The following GALNT14 variants were observed in gnomAD, a reference collection of about 807,000 sequenced individuals.
The protein encoded by GALNT14 is polypeptide N-acetylgalactosaminyltransferase 14.
In GALNT14, 60 loss-of-function variants were observed where a neutral mutation model predicts 77.5. That is an observed-to-expected ratio of 0.77 (90% CI 0.63 to 0.96). The LOEUF (loss-of-function observed/expected upper bound fraction) is 0.96, where lower values mean the gene tolerates loss of function less well. Ranked by LOEUF, GALNT14 falls within the 40% of genes least tolerant of loss-of-function variation. The probability of loss-of-function intolerance (pLI) is 0.00; values close to 1 mark genes in which losing one functional copy is unlikely to be tolerated. For synonymous variants in GALNT14, 280 were observed against 281.7 expected (o/e 0.99, Z 0.06); for missense variants, 710 against 731.0 (o/e 0.97, Z 0.33).
intron 1 of GALNT14, among the ~76,000 whole-genome samples, chr2:31,033,955 A>G (rs974003039): frequency 3.9e-5 from 6 of 152,202 alleles, no homozygotes; most frequent in African/African-American, 1.2e-4. Flanking sequence ...ACTGGCCATT[A>G]TGCCTAGTTT....
chr2:31,007,138 G>A (rs1670722919), intron 1 of GALNT14, among the ~76,000 whole-genome samples: 1 of 152,166 alleles, frequency 6.6e-6, no homozygotes, highest in Non-Finnish European at 1.5e-5. Flanking sequence ...AGCAGACCCC[G>A]AGTATCCAGA....
At chr2:31,080,286 C>T (rs1187213057) in intron 1 of GALNT14, among the ~76,000 whole-genome samples, 1 of 152,216 alleles carries the variant, frequency 6.6e-6, no homozygotes, top group Non-Finnish European at 1.5e-5. Flanking sequence ...ATACAGGACA[C>T]TGATTAAATT....
intron 9 of GALNT14, among the ~76,000 whole-genome samples, chr2:30,936,649 C>A (rs1036325147): frequency 2.0e-5 from 3 of 152,156 alleles, no homozygotes; most frequent in Admixed American, 6.5e-5. Context: ...CCAACATCTA[C>A]TGGGCTAGAA....
At chr2:30,990,678 A>T (rs929663250) in intron 2 of GALNT14, among the ~76,000 whole-genome samples, 3 of 152,236 alleles carry the variant, frequency 2.0e-5, no homozygotes, top group African/African-American at 7.2e-5. Flanking sequence ...CTATATCCCT[A>T]GATGGCTGCT....
intron 9 of GALNT14, among the ~76,000 whole-genome samples, chr2:30,935,950 A>T (rs979142559): frequency 6.6e-6 from 1 of 152,098 alleles, no homozygotes; most frequent in Non-Finnish European, 1.5e-5. Context: ...GAAGTGAGGG[A>T]GGAGGGAACA....
At chr2:30,982,995 G>A (rs1048243082) in intron 2 of GALNT14, among the ~76,000 whole-genome samples, 1 of 152,138 alleles carries the variant, frequency 6.6e-6, no homozygotes, top group African/African-American at 2.4e-5. Flanking sequence ...TAACACTGAG[G>A]AGAGCACCCC....
the GALNT14 span, among the ~76,000 whole-genome samples, chr2:30,901,287 A>G: frequency 4.5e-4 from 68 of 152,282 alleles, no homozygotes; most frequent in Non-Finnish European, 4.7e-4. Flanking sequence ...CAAGAGAGTG[A>G]GTCTCAGATC....
intron 12 of GALNT14, 78 bp from the exon 13 acceptor site, chr2:30,924,341 A>G: frequency 6.7e-7 from 1 of 1,484,206 alleles, no homozygotes; most frequent in Non-Finnish European, 9.4e-7. Context: ...GAGGGTGGGC[A>G]GTGTTCTGAG....
At chr2:31,011,878 C>G (rs140821221) in intron 1 of GALNT14, among the ~76,000 whole-genome samples, 1 of 152,326 alleles carries the variant, frequency 6.6e-6, no homozygotes, top group African/African-American at 2.4e-5. Context: ...GGACGTGCCG[C>G]CTGGCTCTGG....
At chr2:30,954,741 C>T (rs549755157) in intron 6 of GALNT14, among the ~76,000 whole-genome samples, 68 of 152,362 alleles carry the variant, frequency 4.5e-4, no homozygotes, top group African/African-American at 1.6e-3. Context: ...GAAATAACCA[C>T]AGCACAGGGA....
At chr2:31,037,695 G>A (rs545894201) in intron 1 of GALNT14, among the ~76,000 whole-genome samples, 1 of 152,100 alleles carries the variant, frequency 6.6e-6, no homozygotes, top group South Asian at 2.1e-4. Flanking sequence ...TCCTGCTTGT[G>A]GTTTAGTGAC....
rs763046385 is a variant in GALNT14, at chr2:30,955,704, C to CGAT, written c.565_567dup (p.Ile189dup). On this transcript the variant is annotated inframe_insertion, in exon 6 of 15. Coordinates refer to ENST00000349752, the MANE Select transcript of GALNT14 (RefSeq NM_024572.4). ...AGGAAAGTCAGAGTGGTGCCCTGGG[C>CGAT]GATGTCAGCGCCCCGAATCCGGGAC... 5.0e-6 allele frequency: 8 copies of CGAT among 1,614,026 alleles called. No individual in the cohort carries two copies. Among genetic ancestry groups the CGAT allele is most frequent in the Non-Finnish European group, 6.8e-6 (8 of 1,180,050 alleles).
chr2:31,058,995 C>T lies in GALNT14; in HGVS notation c.130-65988G>A, dbSNP rs72854859. Among the ~76,000 whole-genome samples the T allele has an allele frequency of 5.8e-3, 880 of 152,188 alleles. 6 individuals are homozygous for T. Among genetic ancestry groups the T allele is most frequent in the African/African-American group, 0.02 (824 of 41,524 alleles). ...CTAGAGAGGCCCTTCCACTGAGAAACAGAAAAGGCATTGAAGAGATACGGT... is the reference window on the plus strand; with the variant it reads ...CTAGAGAGGCCCTTCCACTGAGAAATAGAAAAGGCATTGAAGAGATACGGT... On this transcript the variant is annotated intron_variant, in intron 1 of 14. Coordinates refer to ENST00000349752, the MANE Select transcript of GALNT14 (RefSeq NM_024572.4).
At chr2:30,898,906 A>G in the GALNT14 span, among the ~76,000 whole-genome samples, 1 of 152,138 alleles carries the variant, frequency 6.6e-6, no homozygotes, top group Non-Finnish European at 1.5e-5. Flanking sequence ...AAGAAAAGCT[A>G]CTTTCAGTGA....
chr2:31,046,373 C>T (rs1011766250), intron 1 of GALNT14, among the ~76,000 whole-genome samples: 12 of 151,954 alleles, frequency 7.9e-5, no homozygotes, highest in Non-Finnish European at 1.3e-4. Flanking sequence ...ATTACAGGTG[C>T]GTGCCACCAC....
At chr2:31,075,352 A>G (rs1675700367) in intron 1 of GALNT14, among the ~76,000 whole-genome samples, 1 of 152,218 alleles carries the variant, frequency 6.6e-6, no homozygotes. Flanking sequence ...GAGAAAAGCA[A>G]AAGCAAACTA....
At chr2:31,058,550 C>A (rs1408656764) in intron 1 of GALNT14, among the ~76,000 whole-genome samples, 1 of 152,134 alleles carries the variant, frequency 6.6e-6, no homozygotes. Flanking sequence ...AAGCACTCAG[C>A]AGTCAGTGGG....
At chr2:31,110,481 C>T (rs372651829) in intron 1 of GALNT14, among the ~76,000 whole-genome samples, 14 of 152,146 alleles carry the variant, frequency 9.2e-5, no homozygotes, top group African/African-American at 2.9e-4. Context: ...CAAGAAATAC[C>T]AAGCATGGTG....
intron 1 of GALNT14, among the ~76,000 whole-genome samples, chr2:31,048,244 A>G (rs1263679408): frequency 6.6e-6 from 1 of 152,252 alleles, no homozygotes; most frequent in African/African-American, 2.4e-5. Context: ...TTGGTGGTAT[A>G]GGGGTAGGAA....
Sources: gnomAD v4.1 joint callset for allele counts (sites outside exome capture counted in the v4.1 genomes callset) on GRCh38, gnomAD v4.1.1 for gene constraint, MANE v1.5 for transcripts, NCBI Gene and HGNC (gene_info 2026-07-23, HGNC 2026-07-21) for gene names.